The following MYO1D variants were observed in gnomAD, a reference collection of about 807,000 sequenced individuals.
The protein encoded by MYO1D is unconventional myosin-Id.
Under a neutral mutation model 122.0 loss-of-function variants are expected in MYO1D, and 83 were observed. The observed-to-expected ratio is 0.68, with a 90% confidence interval of 0.57 to 0.82. The LOEUF (loss-of-function observed/expected upper bound fraction) is 0.82, where lower values mean the gene tolerates loss of function less well. Ranked by LOEUF, MYO1D falls within the 40% of genes least tolerant of loss-of-function variation. The pLI is 0.00. For synonymous variants in MYO1D, 464 were observed against 446.9 expected, an observed-to-expected ratio of 1.04 and a Z score of -0.48; for missense variants, 1,157 against 1,269.5, an observed-to-expected ratio of 0.91 and a Z score of 1.35.
Position 32,850,101 on chromosome 17 carries a change from T to A in MYO1D, c.95+26677A>T, listed in dbSNP as rs570947546. Among the ~76,000 whole-genome samples, 13 of 152,214 alleles carry A rather than the reference T, an allele frequency of 8.5e-5. No individual in the cohort carries two copies. In the South Asian group the frequency reaches 2.3e-3, roughly 27 times the overall value. On this transcript the variant is annotated intron_variant, in intron 1 of 21. Transcript: ENST00000318217. ...TGGCCTTCCACTGGCATAAAAATCA[T>A]CAGTCTTACTGCAATCCTTTGGGAA... is the stretch of plus-strand genomic sequence containing the variant.
At chr17:32,858,710 A>T (rs2091046805) in intron 1 of MYO1D, among the ~76,000 whole-genome samples, 1 of 152,192 alleles carries the variant, frequency 6.6e-6, no homozygotes, top group African/African-American at 2.4e-5. Flanking sequence ...TGTAACAATA[A>T]TCTTTTTTTC....
At chr17:32,507,667 T>A (rs1326780953) in intron 21 of MYO1D, among the ~76,000 whole-genome samples, 1 of 152,174 alleles carries the variant, frequency 6.6e-6, no homozygotes, top group Non-Finnish European at 1.5e-5. Context: ...CCCCTCCAAT[T>A]CCTTATATGG....
intron 21 of MYO1D, among the ~76,000 whole-genome samples, chr17:32,553,484 A>G (rs1217655540): frequency 2.6e-5 from 4 of 152,212 alleles, no homozygotes; most frequent in Non-Finnish European, 4.4e-5. Context: ...GACATAGAAT[A>G]GGAAAGAGTC....
chr17:32,765,941 T>C (rs1455299813), intron 7 of MYO1D, among the ~76,000 whole-genome samples: 1 of 152,020 alleles, frequency 6.6e-6, no homozygotes, highest in Non-Finnish European at 1.5e-5. Flanking sequence ...TGGAATGCAG[T>C]GGTGCACCAT....
chr17:32,745,447 C>T (rs1598059834), intron 12 of MYO1D, 162 bp from the exon 13 acceptor site: 1 of 536,424 alleles, frequency 1.9e-6, no homozygotes, highest in South Asian at 2.6e-5. Context: ...ACCAAATTTA[C>T]CTACTAAATA....
chr17:32,560,551 A>ATATATATATAACTTT (rs2087112207), intron 21 of MYO1D, among the ~76,000 whole-genome samples: 1 of 121,300 alleles, frequency 8.2e-6, no homozygotes, highest in African/African-American at 3.1e-5. Context: ...ATATATATAT[A>ATATATATATAACTTT]TATATATATA....
intron 17 of MYO1D, among the ~76,000 whole-genome samples, chr17:32,657,563 C>T (rs2088494586): frequency 6.6e-6 from 1 of 152,180 alleles, no homozygotes; most frequent in Non-Finnish European, 1.5e-5. Flanking sequence ...AGTGTGTGTG[C>T]GCGTGCGAGT....
intron 16 of MYO1D, among the ~76,000 whole-genome samples, chr17:32,703,566 C>T (rs1043078604): frequency 1.3e-5 from 2 of 151,776 alleles, no homozygotes; most frequent in African/African-American, 2.4e-5. Context: ...CAGGTGCATG[C>T]TACCGTGCCT....
At chr17:32,751,626 C>T (rs2089900151) in intron 11 of MYO1D, among the ~76,000 whole-genome samples, 1 of 152,022 alleles carries the variant, frequency 6.6e-6, no homozygotes, top group Non-Finnish European at 1.5e-5. Context: ...CGACTGATAA[C>T]ACTGAAGCTA....
intron 14 of MYO1D, among the ~76,000 whole-genome samples, chr17:32,723,253 G>A (rs1240547957): frequency 2.6e-5 from 4 of 152,158 alleles, no homozygotes; most frequent in Admixed American, 2.6e-4. Context: ...TATAAGGGCA[G>A]GTGTTCTGTG....
chr17:32,558,117 A>G (rs2087084290), intron 21 of MYO1D, among the ~76,000 whole-genome samples: 1 of 152,136 alleles, frequency 6.6e-6, no homozygotes, highest in African/African-American at 2.4e-5. Context: ...AAGTTTGTCA[A>G]CCTCAGGTCT....
At chr17:32,673,384 A>T (rs1372259685) in intron 16 of MYO1D, among the ~76,000 whole-genome samples, 1 of 152,038 alleles carries the variant, frequency 6.6e-6, no homozygotes, top group African/African-American at 2.4e-5. Context: ...GATTACAGGC[A>T]TGAGCCACTG....
chr17:32,513,863 C>G (rs2150861329), intron 21 of MYO1D, among the ~76,000 whole-genome samples: 1 of 150,588 alleles, frequency 6.6e-6, no homozygotes, highest in African/African-American at 2.4e-5. Context: ...CAGGATCTTG[C>G]TCTGTTGCCC....
At chr17:32,826,338 A>G (rs2090722276) in intron 1 of MYO1D, among the ~76,000 whole-genome samples, 1 of 151,828 alleles carries the variant, frequency 6.6e-6, no homozygotes, top group Non-Finnish European at 1.5e-5. Context: ...GGCATATAGG[A>G]AGTCAACAAA....
At chr17:32,843,482 A>G (rs1052850497) in intron 1 of MYO1D, among the ~76,000 whole-genome samples, 1 of 152,228 alleles carries the variant, frequency 6.6e-6, no homozygotes, top group Non-Finnish European at 1.5e-5. Context: ...ATCAAATGGA[A>G]AGCATAATAC....
chr17:32,644,364 G>A (rs1161310574), intron 19 of MYO1D, among the ~76,000 whole-genome samples: 8 of 151,878 alleles, frequency 5.3e-5, no homozygotes, highest in African/African-American at 1.7e-4. Context: ...TAAGTGCGGC[G>A]TGGTGCTGAG....
intron 16 of MYO1D, among the ~76,000 whole-genome samples, chr17:32,681,025 T>C (rs529894742): frequency 7.9e-5 from 12 of 152,314 alleles, no homozygotes; most frequent in Non-Finnish European, 1.6e-4. Context: ...CTAGATTTTC[T>C]AGTTTATTTG....
chr17:32,806,735 A>G (rs561961923), intron 1 of MYO1D, among the ~76,000 whole-genome samples: 1 of 152,326 alleles, frequency 6.6e-6, no homozygotes, highest in Non-Finnish European at 1.5e-5. Flanking sequence ...AGTAAGGATT[A>G]TGTCATCTGT....
chr17:32,734,731 C>T (rs1255664520), intron 14 of MYO1D: 2 of 151,574 alleles, frequency 1.3e-5, no homozygotes, highest in African/African-American at 4.9e-5. Context: ...TTTTATTTTA[C>T]TTGCTTTGAA....
Sources: allele counts gnomAD v4.1 joint callset (sites outside exome capture counted in the v4.1 genomes callset), GRCh38; gene constraint gnomAD v4.1.1; transcripts MANE v1.5; gene names NCBI Gene and HGNC (gene_info 2026-07-23, HGNC 2026-07-21).